RNF175: variants seen among roughly 807,000 people sequenced by gnomAD.
RNF175 encodes ring finger protein 175.
RNF175 carries 38 observed loss-of-function variants against 50.0 expected under a neutral mutation model. That is an observed-to-expected ratio of 0.76 (90% CI 0.59 to 1.00). RNF175 has a LOEUF of 1.00. Ranked by LOEUF, RNF175 falls within the 50% of genes least tolerant of loss-of-function variation. The pLI is 0.00. For synonymous variants in RNF175, 155 were observed against 146.1 expected, an observed-to-expected ratio of 1.06 and a Z score of -0.44; for missense variants, 388 against 409.6, an observed-to-expected ratio of 0.95 and a Z score of 0.46.
intron 1 of RNF175, among the ~76,000 whole-genome samples, chr4:153,752,309 G>A (rs1170621729): frequency 6.6e-6 from 1 of 152,162 alleles, no homozygotes; most frequent in African/African-American, 2.4e-5. Context: ...CATGCACCTT[G>A]ACTACCTGAG....
chr4:153,717,465 G>A lies in RNF175; in HGVS notation c.631-1803C>T, dbSNP rs114316753. On this transcript the variant is annotated intron_variant, in intron 6 of 8. Coordinates refer to ENST00000347063, the MANE Select transcript of RNF175 (RefSeq NM_173662.4). Reference sequence around the variant, plus strand: ...TGTTGCTGGGGTGTCATTGCCCCTAGGACCTCTTAGCTGACAGAACAAGGA... The same window carrying A: ...TGTTGCTGGGGTGTCATTGCCCCTAAGACCTCTTAGCTGACAGAACAAGGA... Among the ~76,000 whole-genome samples the A allele has an allele frequency of 2.5e-3, 379 of 151,882 alleles. 1 individual carries two copies. The highest frequency in any genetic ancestry group is 8.9e-3 in the African/African-American group (367 of 41,422).
rs916417203 is a variant in RNF175, at chr4:153,731,338, C to T, written c.247-2977G>A. Among the ~76,000 whole-genome samples the T allele has an allele frequency of 3.3e-5, 5 of 152,160 alleles. No homozygotes were observed. In the East Asian group the frequency reaches 5.8e-4, roughly 18 times the overall value. ...AGGCACATACATGCAAAGAAGGAAG[C>T]CTGGCATCTGGAACTCATTAATAAT... On this transcript the variant is annotated intron_variant, in intron 3 of 8. Coordinates refer to ENST00000347063, the MANE Select transcript of RNF175 (RefSeq NM_173662.4).
intron 1 of RNF175, among the ~76,000 whole-genome samples, chr4:153,759,424 T>C (rs956820828): frequency 2.6e-5 from 4 of 152,086 alleles, no homozygotes; most frequent in East Asian, 1.9e-4. Context: ...CCCTGGGCTC[T>C]GGGGGCTTCC....
intron 3 of RNF175, 97 bp downstream of exon 3, chr4:153,748,548 C>T: frequency 8.5e-7 from 1 of 1,175,440 alleles, no homozygotes; most frequent in Non-Finnish European, 1.1e-6. Flanking sequence ...AAGGCAGTTC[C>T]TTCAAAGTGC....
rs1179672952 is a variant in RNF175 at position 153,734,821 on chromosome 4, A to G, written c.247-6460T>C. Among the ~76,000 whole-genome samples, 14 of 151,178 alleles carry G rather than the reference A, an allele frequency of 9.3e-5. No individual in the cohort carries two copies. In the South Asian group the frequency reaches 1.7e-3, roughly 18 times the overall value. ...CTCCCGAGTACCTGGGACTACAGGC[A>G]CCCGCCACCACACCCAGCTAATTTT... is the stretch of plus-strand genomic sequence containing the variant. On this transcript the variant is annotated intron_variant, in intron 3 of 8. Coordinates refer to ENST00000347063, the MANE Select transcript of RNF175 (RefSeq NM_173662.4).
chr4:153,748,225 A>C (rs781222145), intron 3 of RNF175, among the ~76,000 whole-genome samples: 2 of 152,190 alleles, frequency 1.3e-5, no homozygotes, highest in Admixed American at 6.5e-5. Context: ...TCTTTTGGCT[A>C]TTCTAATCCT....
chr4:153,752,408 G>T (rs915524454), intron 1 of RNF175, among the ~76,000 whole-genome samples: 2 of 152,148 alleles, frequency 1.3e-5, no homozygotes, highest in African/African-American at 4.8e-5. Context: ...GGATCACCTG[G>T]GGGCAGGGAG....
chr4:153,725,535 A>G (rs1408351564), intron 4 of RNF175, among the ~76,000 whole-genome samples: 1 of 152,150 alleles, frequency 6.6e-6, no homozygotes, highest in Non-Finnish European at 1.5e-5. Context: ...AGGACTAATA[A>G]CCTTTAAACT....
chr4:153,745,325 C>T (rs1212277405), intron 3 of RNF175, among the ~76,000 whole-genome samples: 1 of 152,184 alleles, frequency 6.6e-6, no homozygotes, highest in African/African-American at 2.4e-5. Context: ...TTAACAAGCT[C>T]TCTAGATGAT....
At chr4:153,759,555 G>A (rs1443603654) in intron 1 of RNF175, among the ~76,000 whole-genome samples, 1 of 152,196 alleles carries the variant, frequency 6.6e-6, no homozygotes, top group Non-Finnish European at 1.5e-5. Flanking sequence ...GGATCAGAAG[G>A]AGGAAAGGAA....
At chr4:153,732,370 T>C (rs962172495) in intron 3 of RNF175, among the ~76,000 whole-genome samples, 1 of 152,152 alleles carries the variant, frequency 6.6e-6, no homozygotes, top group Non-Finnish European at 1.5e-5. Context: ...AGATGGCTGA[T>C]TTTGTTATTT....
At chr4:153,729,153 C>T (rs1328505624) in intron 3 of RNF175, among the ~76,000 whole-genome samples, 3 of 152,244 alleles carry the variant, frequency 2.0e-5, no homozygotes, top group African/African-American at 7.2e-5. Flanking sequence ...GAAAAGCAGA[C>T]AGCTTTAATC....
chr4:153,722,767 CAAAA>C lies in RNF175; in HGVS notation c.509+580_509+583del, dbSNP rs3068869. ...TTTCTGGTAGGTGCATTTAATAAGT[CAAAA>C]AAAAAAAACACAACAAAAAACAGGT... On this transcript the variant is annotated intron_variant, in intron 5 of 8. Coordinates refer to ENST00000347063, the MANE Select transcript of RNF175 (RefSeq NM_173662.4). Among the ~76,000 whole-genome samples the C allele has an allele frequency of 7.1e-4, 104 of 147,396 alleles. 4 individuals are homozygous for C. The East Asian group carries it at 0.021, about 30-fold the overall frequency.
At position 153,751,441 on chromosome 4, in the gene RNF175, C is replaced by T. The variant is rs1405535019; in HGVS notation, c.101G>A (p.Trp34Ter). ...TTAAAAAATACTAATTACTTACTTC[C>T]ATGTGTCTTCTGCAGAAAGCTTTGT... Reference protein sequence around the residue: ...SHTKLSAEDTWNLQQERMYKM... With the variant: ...SHTKLSAEDT Residue 34 changes from tryptophan (W) to a stop codon, truncating the protein, a stop_gained, in exon 2 of 9, where the codon TGG becomes TAG. Coordinates refer to ENST00000347063, the MANE Select transcript of RNF175 (RefSeq NM_173662.4). LOFTEE classifies it high-confidence loss of function. 8 of 1,549,706 alleles carry T rather than the reference C, an allele frequency of 5.2e-6. No individual in the cohort carries two copies. Among genetic ancestry groups the T allele is most frequent in the Non-Finnish European group, 7.0e-6 (8 of 1,144,602 alleles).
At chr4:153,734,665 C>CTTTTTTTT (rs56211482) in intron 3 of RNF175, among the ~76,000 whole-genome samples, 28 of 73,184 alleles carry the variant, frequency 3.8e-4, no homozygotes, top group African/African-American at 9.2e-4. Context: ...TTTTTTTATT[C>CTTTTTTTT]TTTTTTTTTT....
At chr4:153,746,754 C>T (rs1001458231) in intron 3 of RNF175, among the ~76,000 whole-genome samples, 3 of 152,224 alleles carry the variant, frequency 2.0e-5, no homozygotes, top group African/African-American at 7.2e-5. Flanking sequence ...TTCTGCTTGG[C>T]GTTGTCCTCC....
chr4:153,715,500 G>A, intron 7 of RNF175, 29 bp downstream of exon 7: 1 of 1,557,612 alleles, frequency 6.4e-7, no homozygotes, highest in East Asian at 2.4e-5. Flanking sequence ...GCTTGATGAA[G>A]CCCAAACAAT....
intron 8 of RNF175, 31 bp downstream of exon 8, chr4:153,712,444 T>C (rs753684945): frequency 8.2e-7 from 1 of 1,222,770 alleles, no homozygotes; most frequent in African/African-American, 1.5e-5. Flanking sequence ...TTCAAGATAA[T>C]CTCTTATAAC....
intron 4 of RNF175, among the ~76,000 whole-genome samples, chr4:153,724,788 T>A (rs564265663): frequency 4.1e-4 from 63 of 152,160 alleles, no homozygotes; most frequent in Non-Finnish European, 7.8e-4. Flanking sequence ...GTCATTTACA[T>A]CACTTCTATG....
Sources: gnomAD v4.1 joint callset for allele counts (sites outside exome capture counted in the v4.1 genomes callset) on GRCh38, gnomAD v4.1.1 for gene constraint, MANE v1.5 for transcripts, NCBI Gene and HGNC (gene_info 2026-07-23, HGNC 2026-07-21) for gene names.